PLEKHF2: variants seen among roughly 807,000 people sequenced by gnomAD.
PLEKHF2 encodes pleckstrin homology domain-containing family F member 2.
PLEKHF2 carries 4 observed loss-of-function variants against 14.7 expected under a neutral mutation model. The ratio of observed to expected loss-of-function variants is 0.27; its 90% CI spans 0.13 to 0.62. The LOEUF (loss-of-function observed/expected upper bound fraction) is 0.62, where lower values mean the gene tolerates loss of function less well. Ranked by LOEUF, PLEKHF2 falls within the 20% of genes least tolerant of loss-of-function variation. The pLI, the probability that PLEKHF2 is intolerant of heterozygous loss-of-function variation, is 0.85. For synonymous variants in PLEKHF2, 90 were observed against 103.5 expected (o/e 0.87, Z 0.79); for missense variants, 201 against 307.7 (o/e 0.65, Z 2.60).
rs1040157709 is a variant in PLEKHF2, at chr8:95,139,259, T to G, written c.-15+5229T>G. ...TGGCTCACACCTGTAATCCCAGCCCTTTGTGAGGCCAAGATGGGCAGGTCA... is the reference window on the plus strand; with the variant it reads ...TGGCTCACACCTGTAATCCCAGCCCGTTGTGAGGCCAAGATGGGCAGGTCA... On this transcript the variant is annotated intron_variant, in intron 1 of 1. Coordinates refer to ENST00000315367, the MANE Select transcript of PLEKHF2 (RefSeq NM_024613.4). Among the ~76,000 whole-genome samples the G allele has an allele frequency of 3.3e-5, 5 of 152,162 alleles. No individual in the cohort carries two copies. The South Asian group carries it at 1.0e-3, about 32-fold the overall frequency.
At chr8:95,153,680 C>A (rs1460966666) in intron 1 of PLEKHF2, among the ~76,000 whole-genome samples, 1 of 152,016 alleles carries the variant, frequency 6.6e-6, no homozygotes. Context: ...GTTCAGAATC[C>A]CATTGAGATT....
At chr8:95,139,337 C>T (rs1810414788) in intron 1 of PLEKHF2, among the ~76,000 whole-genome samples, 2 of 152,056 alleles carry the variant, frequency 1.3e-5, no homozygotes, top group East Asian at 1.9e-4. Flanking sequence ...GGCAAAACCC[C>T]GTCTCTACAA....
At chr8:95,145,808 C>T (rs952118532) in intron 1 of PLEKHF2, among the ~76,000 whole-genome samples, 3 of 152,184 alleles carry the variant, frequency 2.0e-5, no homozygotes, top group African/African-American at 7.2e-5. Flanking sequence ...GGTTACTAGA[C>T]TGTAGAACTT....
chr8:95,144,301 AGTT>A (rs1810468813), intron 1 of PLEKHF2, among the ~76,000 whole-genome samples: 2 of 152,302 alleles, frequency 1.3e-5, no homozygotes, highest in Admixed American at 1.3e-4. Flanking sequence ...ACTATGACTT[AGTT>A]GTTTTTATGT....
intron 1 of PLEKHF2, among the ~76,000 whole-genome samples, chr8:95,140,248 A>T (rs1197985613): frequency 6.6e-6 from 1 of 152,046 alleles, no homozygotes; most frequent in Non-Finnish European, 1.5e-5. Context: ...TTTTTCATCC[A>T]TGTGTTCAGT....
chr8:95,136,444 T>G (rs966908102), intron 1 of PLEKHF2, among the ~76,000 whole-genome samples: 1 of 152,044 alleles, frequency 6.6e-6, no homozygotes, highest in Non-Finnish European at 1.5e-5. Flanking sequence ...GGTACAGAAC[T>G]TGAATATTTA....
chr8:95,144,056 G>T (rs1351188122), intron 1 of PLEKHF2, among the ~76,000 whole-genome samples: 10 of 150,706 alleles, frequency 6.6e-5, no homozygotes, highest in African/African-American at 2.4e-4. Flanking sequence ...TTTTTCTTTA[G>T]CTCATTAGCT....
chr8:95,139,133 A>T (rs1023627910), intron 1 of PLEKHF2, among the ~76,000 whole-genome samples: 2 of 152,130 alleles, frequency 1.3e-5, no homozygotes, highest in African/African-American at 2.4e-5. Context: ...TCATTTTTTT[A>T]AAATTGACAT....
chr8:95,141,528 CT>C (rs955573905), intron 1 of PLEKHF2, among the ~76,000 whole-genome samples: 21 of 149,928 alleles, frequency 1.4e-4, no homozygotes, highest in Non-Finnish European at 2.4e-4. Flanking sequence ...TACAGTGTAA[CT>C]TTTTTTTTTC....
At chr8:95,139,187 G>A (rs1342909803) in intron 1 of PLEKHF2, among the ~76,000 whole-genome samples, 1 of 151,954 alleles carries the variant, frequency 6.6e-6, no homozygotes. Flanking sequence ...CTTTTCTTGT[G>A]GATTTACAGG....
chr8:95,138,361 C>T (rs953781260), intron 1 of PLEKHF2, among the ~76,000 whole-genome samples: 7 of 87,438 alleles, frequency 8.0e-5, no homozygotes, highest in Non-Finnish European at 1.5e-4. Context: ...CTTCCCCCCC[C>T]CCCCGCCCCT....
chr8:95,146,588 C>T (rs1450839323), intron 1 of PLEKHF2, among the ~76,000 whole-genome samples: 1 of 150,466 alleles, frequency 6.6e-6, no homozygotes, highest in African/African-American at 2.4e-5. Flanking sequence ...CACTGAAGAA[C>T]ATGTTACTTT....
intron 1 of PLEKHF2, among the ~76,000 whole-genome samples, chr8:95,145,625 C>T (rs961816609): frequency 1.2e-4 from 19 of 152,106 alleles, no homozygotes; most frequent in Admixed American, 5.2e-4. Context: ...GGGGTTTCAC[C>T]GTGTTAGCCA....
chr8:95,138,944 T>C (rs1426938936), intron 1 of PLEKHF2, among the ~76,000 whole-genome samples: 1 of 152,218 alleles, frequency 6.6e-6, no homozygotes, highest in Non-Finnish European at 1.5e-5. Context: ...TTGTATAAAC[T>C]TTCTAAAGCA....
At chr8:95,145,182 A>G (rs1810483750) in intron 1 of PLEKHF2, among the ~76,000 whole-genome samples, 1 of 152,184 alleles carries the variant, frequency 6.6e-6, no homozygotes, top group East Asian at 1.9e-4. Context: ...AATGTGAATC[A>G]GAATTTTGAA....
At chr8:95,138,557 C>CTTTT (rs145057604) in intron 1 of PLEKHF2, among the ~76,000 whole-genome samples, 35,509 of 151,634 alleles carry the variant, frequency 0.23, 5,998 homozygotes, top group African/African-American at 0.47. Context: ...AACTAAAAGG[C>CTTTT]TTTGTCTATG....
chr8:95,134,672 C>A (rs1346466331), intron 1 of PLEKHF2, among the ~76,000 whole-genome samples: 1 of 152,136 alleles, frequency 6.6e-6, no homozygotes, highest in Non-Finnish European at 1.5e-5. Context: ...AGGCCGAGAG[C>A]GCGCTGCCGG....
chr8:95,154,796 G>A lies in PLEKHF2; in HGVS notation c.*2G>A, dbSNP rs1275846888. ...GACGATGATGATAGCAGTGACTAAG[G>A]ACACATTTGGGAGTATTTAATCAGG... On this transcript the variant is annotated 3_prime_UTR_variant, in exon 2 of 2. Coordinates refer to ENST00000315367, the MANE Select transcript of PLEKHF2 (RefSeq NM_024613.4). The surrounding 1 kb of genome is among the most constrained non-coding windows in gnomAD (Gnocchi z 5.6). 6 of 1,612,842 alleles carry A rather than the reference G, an allele frequency of 3.7e-6. No individual in the cohort carries two copies. The highest frequency in any genetic ancestry group is 5.1e-6 in the Non-Finnish European group (6 of 1,178,942).
In PLEKHF2 at chr8:95,136,335, C is replaced by T. The variant is rs9650135; in HGVS notation, c.-15+2305C>T. On this transcript the variant is annotated intron_variant, in intron 1 of 1. Coordinates refer to ENST00000315367, the MANE Select transcript of PLEKHF2 (RefSeq NM_024613.4). ...CACAGATTGGTTTTTATTATATATA[C>T]ACACACACACACACACACACACACA... is the stretch of plus-strand genomic sequence containing the variant. Among the ~76,000 whole-genome samples, 90 of 38,184 alleles carry T rather than the reference C, an allele frequency of 2.4e-3. No individual in the cohort carries two copies. The East Asian group carries it at 0.1, about 44-fold the overall frequency. 25.1% of individuals were successfully genotyped at this position (38,184 alleles called of 152,430 possible).
Sources: gnomAD v4.1 joint callset for allele counts (sites outside exome capture counted in the v4.1 genomes callset) on GRCh38, gnomAD v4.1.1 for gene constraint, Gnocchi (gnomAD v3.1) non-coding constraint, MANE v1.5 for transcripts, NCBI Gene and HGNC (gene_info 2026-07-23, HGNC 2026-07-21) for gene names.